The following ADAMTS3 variants were observed in gnomAD, a reference collection of about 807,000 sequenced individuals.
ADAMTS3 encodes ADAM metallopeptidase with thrombospondin type 1 motif 3, also known as A disintegrin and metalloproteinase with thrombospondin motifs 3.
A neutral mutation model predicts 129.0 loss-of-function variants in ADAMTS3; 73 were observed. The ratio of observed to expected loss-of-function variants is 0.57; its 90% CI spans 0.47 to 0.69. ADAMTS3 has a LOEUF of 0.69. Among genes scored for constraint, ADAMTS3 ranks in the 30% least tolerant of loss-of-function variants. The probability of loss-of-function intolerance (pLI) is 0.00; values close to 1 mark genes in which losing one functional copy is unlikely to be tolerated. For missense variants in ADAMTS3, 1,457 were observed against 1,514.5 expected, an observed-to-expected ratio of 0.96 and a Z score of 0.63; for synonymous variants, 477 against 510.8, an observed-to-expected ratio of 0.93 and a Z score of 0.89.
chr4:72,530,320 CAT>C (rs1287784238), intron 3 of ADAMTS3, among the ~76,000 whole-genome samples: 7 of 69,872 alleles, frequency 1.0e-4, no homozygotes, highest in East Asian at 9.0e-4. Flanking sequence ...ATATTAAATT[CAT>C]ATATGTTAAT....
chr4:72,538,720 A>G (rs1296897195), intron 3 of ADAMTS3, among the ~76,000 whole-genome samples: 2 of 152,206 alleles, frequency 1.3e-5, no homozygotes, highest in African/African-American at 4.8e-5. Context: ...TGAGAAAAAA[A>G]GAAGCATAAA....
intron 3 of ADAMTS3, among the ~76,000 whole-genome samples, chr4:72,541,213 C>A (rs113850266): frequency 0.012 from 1,775 of 152,286 alleles, 44 homozygotes; most frequent in African/African-American, 0.04. Context: ...CAAAGGAGAT[C>A]ATTTTGGAGC....
intron 3 of ADAMTS3, among the ~76,000 whole-genome samples, chr4:72,433,648 T>C (rs1283700972): frequency 6.6e-6 from 1 of 151,908 alleles, no homozygotes; most frequent in African/African-American, 2.4e-5. Flanking sequence ...AGAAATGGTA[T>C]GGTTCTATAA....
chr4:72,440,603 T>A (rs374763951), intron 3 of ADAMTS3, among the ~76,000 whole-genome samples: 30 of 151,928 alleles, frequency 2.0e-4, no homozygotes, highest in African/African-American at 6.0e-4. Flanking sequence ...AAAGCAGATA[T>A]GCAATCACAC....
At chr4:72,374,435 T>C (rs1217636066) in intron 4 of ADAMTS3, among the ~76,000 whole-genome samples, 1 of 152,194 alleles carries the variant, frequency 6.6e-6, no homozygotes, top group African/African-American at 2.4e-5. Context: ...CTTTCAGGAC[T>C]GTACTCGAAT....
chr4:72,319,445 G>A lies in ADAMTS3; in HGVS notation c.1239C>T (p.Asn413=). The stretch of plus-strand genomic sequence containing the variant: ...CCATAGCAGTCTCATCACCACACCT[G>A]TTGCCTTGTCCATCATGCTCCATTC... ...VLGMEHDGQG[N]RCGDETAMGS... Residue 413 remains asparagine (N), a synonymous_variant, in exon 9 of 22, where the codon AAC becomes AAT. Coordinates refer to ENST00000286657, the MANE Select transcript of ADAMTS3 (RefSeq NM_014243.3). The A allele has an allele frequency of 6.2e-7, 1 of 1,613,822 alleles. No homozygotes were observed. Among genetic ancestry groups the A allele is most frequent in the South Asian group, 1.1e-5 (1 of 91,056 alleles).
At chr4:72,286,052 GAAC>G (rs1400984540) in intron 21 of ADAMTS3, among the ~76,000 whole-genome samples, 1 of 152,172 alleles carries the variant, frequency 6.6e-6, no homozygotes, top group Non-Finnish European at 1.5e-5. Context: ...CTCAATTTTA[GAAC>G]AACAGAACAA....
rs1721682001 is a variant in ADAMTS3 at position 72,553,037 on chromosome 4, G to C, written c.98-4153C>G. On this transcript the variant is annotated intron_variant, in intron 2 of 21. Transcript: ENST00000286657. ...TTGAAGTTACTCAATAAATATCCAT[G>C]AATGAAGAAATGAAGAAATGCGTGA... Among the ~76,000 whole-genome samples the C allele has an allele frequency of 1.5e-4, 22 of 151,232 alleles. No individual in the cohort carries two copies. The South Asian group carries it at 4.4e-3, about 30-fold the overall frequency.
intron 4 of ADAMTS3, among the ~76,000 whole-genome samples, chr4:72,408,849 C>A (rs1191761359): frequency 1.3e-5 from 2 of 151,926 alleles, no homozygotes; most frequent in African/African-American, 4.8e-5. Flanking sequence ...GACCATAAAA[C>A]CAAACACCAT....
At chr4:72,537,783 T>C (rs1721218732) in intron 3 of ADAMTS3, among the ~76,000 whole-genome samples, 1 of 151,996 alleles carries the variant, frequency 6.6e-6, no homozygotes, top group Non-Finnish European at 1.5e-5. Context: ...AAAAAAACAA[T>C]AGATACGGTT....
intron 3 of ADAMTS3, among the ~76,000 whole-genome samples, chr4:72,433,431 T>C (rs567270600): frequency 6.6e-6 from 1 of 152,070 alleles, no homozygotes; most frequent in East Asian, 2.0e-4. Flanking sequence ...AAAGAAGCTA[T>C]ACCTTGCTTC....
chr4:72,426,716 T>G (rs1188463856), intron 3 of ADAMTS3, among the ~76,000 whole-genome samples: 1 of 151,984 alleles, frequency 6.6e-6, no homozygotes, highest in African/African-American at 2.4e-5. Context: ...TGAGGCCCTG[T>G]CTCTACAAAA....
Position 72,405,991 on chromosome 4 carries a change from C to T in ADAMTS3, c.661+8824G>A, listed in dbSNP as rs1256354839. Among the ~76,000 whole-genome samples the T allele has an allele frequency of 3.3e-5, 5 of 152,122 alleles. No individual in the cohort carries two copies. The East Asian group carries it at 9.6e-4, about 29-fold the overall frequency. On this transcript the variant is annotated intron_variant, in intron 4 of 21. Transcript: ENST00000286657. ...CTTTATGGGCGGCTAGGACATCACT[C>T]TGTTCACAATCTAAGAAGCTGTGAC... is the stretch of plus-strand genomic sequence containing the variant.
At chr4:72,532,537 A>C (rs1191100042) in intron 3 of ADAMTS3, among the ~76,000 whole-genome samples, 5 of 152,016 alleles carry the variant, frequency 3.3e-5, no homozygotes, top group Admixed American at 3.3e-4. Context: ...CTTTATATAT[A>C]TCTATCTTTA....
intron 3 of ADAMTS3, among the ~76,000 whole-genome samples, chr4:72,522,437 A>G (rs1462832026): frequency 1.3e-5 from 2 of 152,152 alleles, no homozygotes; most frequent in Admixed American, 6.5e-5. Context: ...CCTGGTTACA[A>G]TCCTCATGAG....
rs569286597 is a variant in ADAMTS3 at position 72,531,077 on chromosome 4, C to T, written c.504+17401G>A. 2.2e-3 allele frequency among the ~76,000 whole-genome samples: 329 copies of T among 151,176 alleles called. 1 individual carries two copies. The highest frequency in any genetic ancestry group is 4.4e-3 in the African/African-American group (180 of 41,170). On this transcript the variant is annotated intron_variant, in intron 3 of 21. Coordinates refer to ENST00000286657, the MANE Select transcript of ADAMTS3 (RefSeq NM_014243.3). Reference sequence around the variant, plus strand: ...TGTGAAGAAGGGGGCAATAATTGGCCGAAAACACCAGTCAGGAGGTCATTG... The same window carrying T: ...TGTGAAGAAGGGGGCAATAATTGGCTGAAAACACCAGTCAGGAGGTCATTG...
At chr4:72,390,742 G>A (rs1721571248) in intron 4 of ADAMTS3, among the ~76,000 whole-genome samples, 1 of 152,028 alleles carries the variant, frequency 6.6e-6, no homozygotes, top group Non-Finnish European at 1.5e-5. Context: ...AAAAACACCT[G>A]TCTGGGAAAG....
intron 7 of ADAMTS3, 93 bp downstream of exon 7, chr4:72,320,621 G>T: frequency 7.6e-7 from 1 of 1,321,042 alleles, no homozygotes; most frequent in Non-Finnish European, 1.1e-6. Flanking sequence ...AAGCAGTGGT[G>T]GAGAGCAGAA....
chr4:72,459,807 G>C (rs1196841592), intron 3 of ADAMTS3, among the ~76,000 whole-genome samples: 3 of 151,454 alleles, frequency 2.0e-5, no homozygotes, highest in African/African-American at 7.3e-5. Flanking sequence ...TGGAATACTT[G>C]CATATATGTA....
Sources: gnomAD v4.1 joint callset for allele counts (sites outside exome capture counted in the v4.1 genomes callset) on GRCh38, gnomAD v4.1.1 for gene constraint, MANE v1.5 for transcripts, NCBI Gene and HGNC (gene_info 2026-07-23, HGNC 2026-07-21) for gene names.